Variants in NTN1 observed in about 807,000 individuals in gnomAD.
The protein encoded by NTN1 is netrin-1.
NTN1 carries 11 observed loss-of-function variants against 54.2 expected under a neutral mutation model. The ratio of observed to expected loss-of-function variants is 0.20; its 90% confidence interval spans 0.13 to 0.34. The LOEUF is 0.34. Ranked by LOEUF, NTN1 falls within the 10% of genes least tolerant of loss-of-function variation. The probability of loss-of-function intolerance (pLI) is 1.00; values close to 1 mark genes in which losing one functional copy is unlikely to be tolerated. For synonymous variants in NTN1, 371 were observed against 382.0 expected (o/e 0.97, Z 0.33); for missense variants, 740 against 893.1 (o/e 0.83, Z 2.18).
intron 2 of NTN1, among the ~76,000 whole-genome samples, chr17:9,130,610 T>C (rs2092261641): frequency 6.6e-6 from 1 of 152,130 alleles, no homozygotes; most frequent in South Asian, 2.1e-4. Context: ...AGACCTGCCC[T>C]CACTCGGGGT....
At chr17:9,114,163 A>T (rs1350959018) in intron 2 of NTN1, among the ~76,000 whole-genome samples, 5 of 115,762 alleles carry the variant, frequency 4.3e-5, no homozygotes, top group Non-Finnish European at 8.8e-5. Context: ...GAAAAAAAAA[A>T]AAAATATATA....
intron 2 of NTN1, among the ~76,000 whole-genome samples, chr17:9,073,146 A>G (rs2092037796): frequency 6.6e-6 from 1 of 152,248 alleles, no homozygotes; most frequent in South Asian, 2.1e-4. Flanking sequence ...AGGCCCGGCA[A>G]GGCCCAAGCA....
chr17:9,223,616 G>A (rs1905438653), intron 6 of NTN1, among the ~76,000 whole-genome samples: 1 of 152,142 alleles, frequency 6.6e-6, no homozygotes, highest in Admixed American at 6.5e-5. Context: ...CATCCTCCCA[G>A]CCCTGGGTCT....
At position 9,106,467 on chromosome 17, in the gene NTN1, C is replaced by CCTTCCTTCCTTCCTT. The variant is rs2092166609; in HGVS notation, c.1019-56345_1019-56344insTTCCTTCCTTCCTTC. Among the ~76,000 whole-genome samples, 5 of 120,018 alleles carry CCTTCCTTCCTTCCTT rather than the reference C, an allele frequency of 4.2e-5. 1 individual carries two copies. The highest frequency in any genetic ancestry group is 8.9e-5 in the Non-Finnish European group (5 of 56,422). The allele number at this position is 120,018 out of a possible 152,430, so 78.7% of individuals were successfully genotyped here. On this transcript the variant is annotated intron_variant, in intron 2 of 6. Coordinates refer to ENST00000173229, the MANE Select transcript of NTN1 (RefSeq NM_004822.3). ...AATGGCATTTCCTTCCTTCCTTCCT[C>CCTTCCTTCCTTCCTT]CCTTCCTTCCTTCCTTCCTTCCTTC...
intron 2 of NTN1, among the ~76,000 whole-genome samples, chr17:9,031,853 T>C (rs1431926522): frequency 6.6e-6 from 1 of 151,828 alleles, no homozygotes; most frequent in Non-Finnish European, 1.5e-5. Flanking sequence ...TCCTAACTAC[T>C]CAGAGGTTGA....
intron 2 of NTN1, among the ~76,000 whole-genome samples, chr17:9,031,724 T>G (rs2091888838): frequency 6.6e-6 from 1 of 151,966 alleles, no homozygotes; most frequent in South Asian, 2.1e-4. Context: ...GCAGGCAGAT[T>G]ATTTGAGGTC....
chr17:9,225,445 G>A (rs886112158), intron 6 of NTN1, among the ~76,000 whole-genome samples: 1 of 152,102 alleles, frequency 6.6e-6, no homozygotes, highest in African/African-American at 2.4e-5. Flanking sequence ...AGGAGTGAGT[G>A]CCCCCACAGG....
chr17:9,138,682 G>T (rs1177775584), intron 2 of NTN1, among the ~76,000 whole-genome samples: 3 of 152,230 alleles, frequency 2.0e-5, no homozygotes, highest in African/African-American at 7.2e-5. Flanking sequence ...GGGGCAGACA[G>T]GGGAGTCAAA....
intron 2 of NTN1, among the ~76,000 whole-genome samples, chr17:9,147,204 A>G (rs2092316100): frequency 6.6e-6 from 1 of 152,216 alleles, no homozygotes; most frequent in South Asian, 2.1e-4. Flanking sequence ...ACTCAGGGTC[A>G]TTTGCAGACT....
chr17:9,221,147 T>TGGGCG lies in NTN1; in HGVS notation c.1412-21_1412-20insGGGCG. 7.7e-7 allele frequency: 1 copy of TGGGCG among 1,303,808 alleles called. No individual in the cohort carries two copies. Among genetic ancestry groups the TGGGCG allele is most frequent in the Non-Finnish European group, 1.0e-6 (1 of 952,878 alleles). 80.8% of individuals were successfully genotyped at this position (1,303,808 alleles called of 1,614,324 possible). On this transcript the variant is annotated intron_variant, in intron 5 of 6. Transcript: ENST00000173229. This position sits in a 1 kb window ranked among gnomAD's most constrained non-coding sequence, Gnocchi z 4.5. ...CAGCCTAATTAGTTTTTGTCTGTGC[T>TGGGCG]CCCCCCCCACCCCCCTGCAGACTGC... is the stretch of plus-strand genomic sequence containing the variant.
chr17:9,053,185 T>C (rs2091966531), intron 2 of NTN1, among the ~76,000 whole-genome samples: 1 of 152,218 alleles, frequency 6.6e-6, no homozygotes, highest in South Asian at 2.1e-4. Flanking sequence ...AACAGCAGGA[T>C]TGAGTTGTTG....
chr17:9,154,939 G>A (rs2092337037), intron 2 of NTN1, among the ~76,000 whole-genome samples: 1 of 152,120 alleles, frequency 6.6e-6, no homozygotes, highest in African/African-American at 2.4e-5. Context: ...TGTCCCAACT[G>A]GGTTCTTTTC....
chr17:9,005,867 C>A, the NTN1 span, among the ~76,000 whole-genome samples: 1 of 152,180 alleles, frequency 6.6e-6, no homozygotes, highest in African/African-American at 2.4e-5. Context: ...AACCCAGGGG[C>A]CTTCTCTTAC....
chr17:9,027,560 T>G (rs1468217792), intron 2 of NTN1, among the ~76,000 whole-genome samples: 4 of 152,188 alleles, frequency 2.6e-5, no homozygotes, highest in Non-Finnish European at 2.9e-5. Flanking sequence ...GGCAGTGATA[T>G]ATCCATGTGT....
At position 9,108,928 on chromosome 17, in the gene NTN1, G is replaced by A. The variant is rs1352720949; in HGVS notation, c.1019-53885G>A. ...GTCTCCCTCTGTTGCCTAGGCTGGA[G>A]TGCAGTGGTGTGATCTCGGCTCACT... On this transcript the variant is annotated intron_variant, in intron 2 of 6. Transcript: ENST00000173229. Among the ~76,000 whole-genome samples the A allele has an allele frequency of 2.6e-5, 4 of 152,044 alleles. No homozygotes were observed. The East Asian group carries it at 5.8e-4, about 22-fold the overall frequency.
chr17:9,005,162 T>C, the NTN1 span, among the ~76,000 whole-genome samples: 1 of 152,118 alleles, frequency 6.6e-6, no homozygotes, highest in Non-Finnish European at 1.5e-5. Context: ...CTTTAGCGAC[T>C]CCCAGATTTT....
chr17:9,087,601 C>A (rs781260717), intron 2 of NTN1, among the ~76,000 whole-genome samples: 53 of 152,126 alleles, frequency 3.5e-4, no homozygotes, highest in Non-Finnish European at 5.1e-4. Context: ...TTGAAGCATT[C>A]ATTGCTCCCA....
At chr17:9,229,936 C>T (rs1044233513) in intron 6 of NTN1, among the ~76,000 whole-genome samples, 1 of 152,000 alleles carries the variant, frequency 6.6e-6, no homozygotes, top group African/African-American at 2.4e-5. Context: ...GATCCCGGTC[C>T]TGGCTCAGCC....
chr17:9,238,116 G>A (rs574728528), intron 6 of NTN1, among the ~76,000 whole-genome samples: 1 of 152,172 alleles, frequency 6.6e-6, no homozygotes, highest in Non-Finnish European at 1.5e-5. Context: ...CCCTCGGAGT[G>A]CAGGAGCAGA....
Sources: allele counts gnomAD v4.1 joint callset (sites outside exome capture counted in the v4.1 genomes callset), GRCh38; gene constraint gnomAD v4.1.1; non-coding constraint Gnocchi (gnomAD v3.1); transcripts MANE v1.5; gene names NCBI Gene and HGNC (gene_info 2026-07-23, HGNC 2026-07-21).